The following ADAMTSL1 variants were observed in gnomAD, a reference collection of about 807,000 sequenced individuals.
The protein encoded by ADAMTSL1 is ADAMTS-like protein 1.
ADAMTSL1 carries 126 observed loss-of-function variants against 201.8 expected under a neutral mutation model. The ratio of observed to expected loss-of-function variants is 0.62; its 90% CI spans 0.54 to 0.72. The LOEUF (loss-of-function observed/expected upper bound fraction) is 0.72, where lower values mean the gene tolerates loss of function less well. Ranked by LOEUF, ADAMTSL1 falls within the 30% of genes least tolerant of loss-of-function variation. The probability of loss-of-function intolerance (pLI) is 0.00; values close to 1 mark genes in which losing one functional copy is unlikely to be tolerated. For missense variants in ADAMTSL1, 2,679 were observed against 2,277.8 expected, an observed-to-expected ratio of 1.18 and a Z score of -3.59; for synonymous variants, 1,121 against 903.4, an observed-to-expected ratio of 1.24 and a Z score of -4.32.
At chr9:18,267,729 C>G (rs1276174387) in intron 2 of ADAMTSL1, among the ~76,000 whole-genome samples, 2 of 143,098 alleles carry the variant, frequency 1.4e-5, no homozygotes, top group Non-Finnish European at 3.0e-5. Context: ...AATTGTAAAC[C>G]TTTCTATATT....
At chr9:18,591,933 C>T (rs1201666285) in intron 4 of ADAMTSL1, among the ~76,000 whole-genome samples, 1 of 152,156 alleles carries the variant, frequency 6.6e-6, no homozygotes, top group Admixed American at 6.5e-5. Context: ...GTGAGTATGG[C>T]AGATGAGGCA....
chr9:18,622,462 C>T (rs1276767005), intron 5 of ADAMTSL1, 93 bp downstream of exon 5: 1 of 1,558,264 alleles, frequency 6.4e-7, no homozygotes, highest in Non-Finnish European at 8.8e-7. Context: ...GGAACAACAC[C>T]TCCACCAAAA....
intron 2 of ADAMTSL1, among the ~76,000 whole-genome samples, chr9:18,375,888 A>G (rs1837273286): frequency 6.6e-6 from 1 of 152,094 alleles, no homozygotes; most frequent in Admixed American, 6.6e-5. Context: ...ACAAACCTCT[A>G]GCTAGCCACA....
intron 5 of ADAMTSL1, among the ~76,000 whole-genome samples, chr9:18,624,914 T>C (rs1471016280): frequency 6.6e-6 from 1 of 152,234 alleles, no homozygotes; most frequent in Admixed American, 6.5e-5. Context: ...ACCTTAGCAC[T>C]GATGATGTCT....
At chr9:18,859,186 C>T (rs1036966316) in intron 23 of ADAMTSL1, among the ~76,000 whole-genome samples, 1 of 152,166 alleles carries the variant, frequency 6.6e-6, no homozygotes, top group Non-Finnish European at 1.5e-5. Flanking sequence ...CAAAACAGAT[C>T]TTACTGGGCT....
intron 1 of ADAMTSL1, among the ~76,000 whole-genome samples, chr9:18,110,698 A>C (rs770724515): frequency 1.3e-5 from 2 of 152,130 alleles, no homozygotes; most frequent in Non-Finnish European, 2.9e-5. Context: ...GCTAAGTGGC[A>C]ATGGCCCTTT....
rs747889540 is a variant in ADAMTSL1 at position 18,871,159 on chromosome 9, C to T, written c.4250-16672C>T. Among the ~76,000 whole-genome samples, 6 of 152,138 alleles carry T rather than the reference C, an allele frequency of 3.9e-5. No individual in the cohort carries two copies. In the South Asian group the frequency reaches 6.2e-4, roughly 16 times the overall value. On this transcript the variant is annotated intron_variant, in intron 23 of 28. Transcript: ENST00000380548. ...ACCTTTGGATTTTTTATCATTCCAA[C>T]GTGAGTCAGAATGAAGTTCACCTTC...
chr9:18,577,681 A>G (rs1822822591), intron 4 of ADAMTSL1, among the ~76,000 whole-genome samples: 1 of 152,244 alleles, frequency 6.6e-6, no homozygotes, highest in African/African-American at 2.4e-5. Context: ...GTAGAAATGT[A>G]GAAGACTCTG....
At chr9:18,719,841 C>G (rs1397585818) in intron 14 of ADAMTSL1, among the ~76,000 whole-genome samples, 3 of 152,154 alleles carry the variant, frequency 2.0e-5, no homozygotes, top group Admixed American at 6.5e-5. Context: ...TGGAGAAACA[C>G]AGCATACGTG....
rs532581416 is a variant in ADAMTSL1, at chr9:17,975,001, C to CT, written c.87+68087dup. On this transcript the variant is annotated intron_variant, in intron 1 of 29. Coordinates refer to the ADAMTSL1 transcript ENST00000680146. ...CCTACAAACACTGCACAAAGTTTCC[C>CT]TTTTTTTTCACATCCTCCCCAAAAG... Among the ~76,000 whole-genome samples, 3 of 151,824 alleles carry CT rather than the reference C, an allele frequency of 2.0e-5. No homozygotes were observed. The East Asian group carries it at 5.8e-4, about 29-fold the overall frequency.
chr9:18,296,503 A>C (rs921011686), intron 2 of ADAMTSL1, among the ~76,000 whole-genome samples: 1 of 152,146 alleles, frequency 6.6e-6, no homozygotes, highest in Non-Finnish European at 1.5e-5. Context: ...AAAAGTAAAC[A>C]ATATTATATA....
intron 5 of ADAMTSL1, among the ~76,000 whole-genome samples, chr9:18,626,246 C>T (rs1433757232): frequency 6.6e-6 from 1 of 152,050 alleles, no homozygotes; most frequent in East Asian, 1.9e-4. Flanking sequence ...TTCCTAGGAG[C>T]CATGGAAAAA....
At chr9:18,532,711 CT>C (rs1190764007) in intron 2 of ADAMTSL1, among the ~76,000 whole-genome samples, 6 of 150,164 alleles carry the variant, frequency 4.0e-5, no homozygotes, top group Non-Finnish European at 8.9e-5. Context: ...CAGGGGACTT[CT>C]TTTTTTTTCT....
intron 20 of ADAMTSL1, among the ~76,000 whole-genome samples, chr9:18,802,778 G>C (rs545962527): frequency 2.0e-4 from 30 of 152,290 alleles, no homozygotes; most frequent in Non-Finnish European, 2.4e-4. Flanking sequence ...ATTGAAGAAA[G>C]TGCCAACTAT....
chr9:18,148,575 A>G (rs1587159762), intron 1 of ADAMTSL1, among the ~76,000 whole-genome samples: 1 of 152,096 alleles, frequency 6.6e-6, no homozygotes, highest in South Asian at 2.1e-4. Context: ...AAACTTACCT[A>G]TAATAAATAA....
intron 15 of ADAMTSL1, among the ~76,000 whole-genome samples, chr9:18,743,773 C>A (rs149597418): frequency 6.6e-6 from 1 of 152,168 alleles, no homozygotes; most frequent in Admixed American, 6.5e-5. Context: ...CATATTTTTG[C>A]TCTTTAATGT....
intron 16 of ADAMTSL1, among the ~76,000 whole-genome samples, chr9:18,763,824 A>G (rs932895932): frequency 2.0e-5 from 3 of 152,064 alleles, no homozygotes; most frequent in Admixed American, 6.6e-5. Context: ...TGGGTTCTCT[A>G]TTCTATTCCA....
intron 2 of ADAMTSL1, among the ~76,000 whole-genome samples, chr9:18,186,075 C>A (rs1051673161): frequency 6.6e-6 from 1 of 152,144 alleles, no homozygotes; most frequent in South Asian, 2.1e-4. Context: ...AAAGCTTGAG[C>A]TGAGAATTCA....
chr9:18,483,042 G>A (rs1821808070), intron 1 of ADAMTSL1, among the ~76,000 whole-genome samples: 1 of 152,152 alleles, frequency 6.6e-6, no homozygotes, highest in Admixed American at 6.5e-5. Flanking sequence ...TAGATTCATA[G>A]AATGGTTTTA....
Sources: gnomAD v4.1 joint callset for allele counts (sites outside exome capture counted in the v4.1 genomes callset) on GRCh38, gnomAD v4.1.1 for gene constraint, MANE v1.5 for transcripts, NCBI Gene and HGNC (gene_info 2026-07-23, HGNC 2026-07-21) for gene names.